KIDINS220: variants seen among roughly 807,000 people sequenced by gnomAD.
KIDINS220 encodes the protein kinase D interacting substrate 220.
In KIDINS220, 63 loss-of-function variants were observed where a neutral mutation model predicts 157.6. The observed-to-expected ratio is 0.40, with a 90% CI of 0.33 to 0.49. The LOEUF (loss-of-function observed/expected upper bound fraction) is 0.49, where lower values mean the gene tolerates loss of function less well. Among genes scored for constraint, KIDINS220 ranks in the 20% least tolerant of loss-of-function variants. KIDINS220 has a pLI of 0.66. For synonymous variants in KIDINS220, 732 were observed against 783.6 expected (o/e 0.93, Z 1.10); for missense variants, 1,772 against 2,171.2 (o/e 0.82, Z 3.65).
In KIDINS220 at chr2:8,730,653, G is replaced by A. The variant is rs1663914960; in HGVS notation, c.*67C>T. 2.0e-6 allele frequency: 3 copies of A among 1,535,918 alleles called. No individual in the cohort carries two copies. Among genetic ancestry groups the A allele is most frequent in the Non-Finnish European group, 2.6e-6 (3 of 1,149,074 alleles). On this transcript the variant is annotated 3_prime_UTR_variant, in exon 30 of 30. Coordinates refer to ENST00000256707, the MANE Select transcript of KIDINS220 (RefSeq NM_020738.4). ...ATGTAGAAAGGTGATGGGCGTGGAT[G>A]GAGTCAAAATCCAGGACAATTCTGT...
At chr2:8,772,874 A>C (rs1670424860) in intron 21 of KIDINS220, among the ~76,000 whole-genome samples, 1 of 152,184 alleles carries the variant, frequency 6.6e-6, no homozygotes, top group Admixed American at 6.5e-5. Flanking sequence ...ACACTTTTGC[A>C]TACATGGGAA....
chr2:8,753,225 CAA>C (rs560393132), intron 22 of KIDINS220, among the ~76,000 whole-genome samples: 2 of 146,124 alleles, frequency 1.4e-5, no homozygotes, highest in African/African-American at 5.0e-5. Context: ...ACTACTCAGC[CAA>C]AAAAAAAATG....
intron 11 of KIDINS220, among the ~76,000 whole-genome samples, chr2:8,795,581 CTCAG>C (rs1175018326): frequency 1.3e-5 from 2 of 152,130 alleles, no homozygotes; most frequent in African/African-American, 2.4e-5. Flanking sequence ...TTTACCCGTC[CTCAG>C]TAAGAATGTG....
At chr2:8,814,875 C>T (rs1160100701) in intron 4 of KIDINS220, among the ~76,000 whole-genome samples, 1 of 152,156 alleles carries the variant, frequency 6.6e-6, no homozygotes, top group Admixed American at 6.5e-5. Flanking sequence ...TCTGGGACAT[C>T]CTTCCCTCTA....
intron 9 of KIDINS220, among the ~76,000 whole-genome samples, 189 bp from the exon 10 acceptor site, chr2:8,798,489 G>C (rs79914092): frequency 6.6e-6 from 1 of 152,110 alleles, no homozygotes; most frequent in Non-Finnish European, 1.5e-5. Flanking sequence ...GGAAAACTTC[G>C]TATTACTTAA....
intron 26 of KIDINS220, among the ~76,000 whole-genome samples, chr2:8,745,427 T>C (rs556228775): frequency 1.1e-4 from 17 of 152,318 alleles, no homozygotes; most frequent in African/African-American, 4.1e-4. Context: ...AAAATAATCA[T>C]CAACCTCTCA....
chr2:8,769,923 C>T (rs1210436182), intron 22 of KIDINS220, among the ~76,000 whole-genome samples: 1 of 152,160 alleles, frequency 6.6e-6, no homozygotes, highest in Non-Finnish European at 1.5e-5. Context: ...ATAAATTAAA[C>T]AGCAAAACCT....
At chr2:8,811,021 T>C (rs1489057515) in intron 6 of KIDINS220, among the ~76,000 whole-genome samples, 1 of 152,242 alleles carries the variant, frequency 6.6e-6, no homozygotes, top group East Asian at 1.9e-4. Context: ...TTCACTGTAC[T>C]ACTTGATGAT....
intron 1 of KIDINS220, among the ~76,000 whole-genome samples, chr2:8,830,356 TAGACCAA>T (rs1349091970): frequency 6.6e-6 from 1 of 152,198 alleles, no homozygotes; most frequent in African/African-American, 2.4e-5. Context: ...ACTTTCCTTC[TAGACCAA>T]CTACTTCTAC....
intron 26 of KIDINS220, chr2:8,746,908 C>A (rs576553405): frequency 9.4e-5 from 43 of 455,866 alleles, no homozygotes; most frequent in East Asian, 2.4e-4. Context: ...TAAAAAAAAA[C>A]CCCATCCCAT....
intron 28 of KIDINS220, among the ~76,000 whole-genome samples, chr2:8,734,008 G>A (rs1476807875): frequency 2.0e-5 from 3 of 152,166 alleles, no homozygotes; most frequent in Non-Finnish European, 2.9e-5. Flanking sequence ...GGAGTAGGGC[G>A]GTAGGTCCAG....
intron 18 of KIDINS220, 81 bp downstream of exon 18, chr2:8,779,593 T>C (rs1450469714): frequency 2.1e-6 from 3 of 1,452,108 alleles, no homozygotes; most frequent in African/African-American, 2.8e-5. Flanking sequence ...TTCCGTTCTA[T>C]TTTTAGATAT....
intron 21 of KIDINS220, among the ~76,000 whole-genome samples, chr2:8,773,615 G>A (rs949703083): frequency 2.0e-5 from 3 of 152,002 alleles, no homozygotes; most frequent in African/African-American, 7.3e-5. Context: ...TGGGATTACA[G>A]GTGTGAGCCA....
intron 4 of KIDINS220, among the ~76,000 whole-genome samples, chr2:8,813,825 G>A (rs537315422): frequency 6.6e-6 from 1 of 152,210 alleles, no homozygotes; most frequent in African/African-American, 2.4e-5. Flanking sequence ...TCGGGAGGCT[G>A]AGGCAGGAGA....
At chr2:8,749,588 T>TTGACA (rs1478317989) in intron 24 of KIDINS220, among the ~76,000 whole-genome samples, 1 of 152,192 alleles carries the variant, frequency 6.6e-6, no homozygotes, top group Non-Finnish European at 1.5e-5. Context: ...TGAAGATAAC[T>TTGACA]TGACATAAGA....
chr2:8,812,532 A>T (rs1267829854), intron 5 of KIDINS220, 39 bp from the exon 6 acceptor site: 1 of 1,162,454 alleles, frequency 8.6e-7, no homozygotes, highest in Non-Finnish European at 1.2e-6. Context: ...GTAGATAAGT[A>T]GGAAGGAAGG....
intron 1 of KIDINS220, among the ~76,000 whole-genome samples, chr2:8,827,548 T>TA (rs1220313931): frequency 6.6e-6 from 1 of 152,166 alleles, no homozygotes; most frequent in Non-Finnish European, 1.5e-5. Context: ...ACCTGTAAAA[T>TA]ACATTTCACA....
intron 22 of KIDINS220, among the ~76,000 whole-genome samples, chr2:8,765,603 T>C (rs896519786): frequency 1.3e-5 from 2 of 152,228 alleles, no homozygotes; most frequent in Admixed American, 1.3e-4. Context: ...ATAACTAATT[T>C]TCTTTCAATA....
At position 8,827,052 on chromosome 2, in the gene KIDINS220, C is replaced by A. The variant is rs140222575; in HGVS notation, c.42G>T (p.Glu14Asp). The A allele has an allele frequency of 7.1e-5, 115 of 1,609,762 alleles. 1 individual carries two copies. The East Asian group carries it at 2.0e-3, about 28-fold the overall frequency. Residue 14 changes from glutamate to aspartate, a missense_variant, in exon 2 of 30, where the codon GAG (glutamate) becomes GAT (aspartate). Glu to Asp is a conservative substitution (Grantham distance 45). Coordinates refer to ENST00000256707, the MANE Select transcript of KIDINS220 (RefSeq NM_020738.4). The stretch of plus-strand genomic sequence containing the variant: ...CTTTCAGAGCAGGAATGTTTTCTTC[C>A]TCTACATAATTTATGACGCTCTGTG... ...LISQSVINYV[E>D]EENIPALKAL... is the part of the protein sequence containing the mutation.
Sources: gnomAD v4.1 joint callset for allele counts (sites outside exome capture counted in the v4.1 genomes callset) on GRCh38, gnomAD v4.1.1 for gene constraint, MANE v1.5 for transcripts, NCBI Gene and HGNC (gene_info 2026-07-23, HGNC 2026-07-21) for gene names.